The following LMBRD2 variants were observed in gnomAD, a reference collection of about 807,000 sequenced individuals.
LMBRD2 encodes LMBR1 domain containing 2.
A neutral mutation model predicts 94.4 loss-of-function variants in LMBRD2; 55 were observed. The observed-to-expected ratio is 0.58, with a 90% confidence interval of 0.47 to 0.73. The LOEUF (loss-of-function observed/expected upper bound fraction) is 0.73, where lower values mean the gene tolerates loss of function less well. Ranked by LOEUF, LMBRD2 falls within the 30% of genes least tolerant of loss-of-function variation. The pLI is 0.00. For missense variants in LMBRD2, 640 were observed against 831.9 expected, an observed-to-expected ratio of 0.77 and a Z score of 2.84; for synonymous variants, 246 against 272.4, an observed-to-expected ratio of 0.90 and a Z score of 0.95.
At position 36,151,508 on chromosome 5, in the gene LMBRD2, T is replaced by G. The variant is rs979357713; in HGVS notation, c.-58+48A>C. 6.6e-6 allele frequency: 1 copy of G among 152,404 alleles called. No homozygotes were observed. Among genetic ancestry groups the G allele is most frequent in the African/African-American group, 2.4e-5 (1 of 41,468 alleles). 9.4% of individuals were successfully genotyped at this position (152,404 alleles called of 1,614,324 possible). A position where few individuals can be genotyped will look rare whatever the true frequency, so the allele number is the denominator to read the frequency against. Reference sequence around the variant, plus strand: ...CTCCCCGACGGAGGAAGAAGCTTCCTGGCAAAAGGACGAACAGGTGCGACG... The same window carrying G: ...CTCCCCGACGGAGGAAGAAGCTTCCGGGCAAAAGGACGAACAGGTGCGACG... On this transcript the variant is annotated intron_variant, in intron 1 of 17. Coordinates refer to ENST00000296603, the MANE Select transcript of LMBRD2 (RefSeq NM_001007527.2). This position sits in a 1 kb window ranked among gnomAD's most constrained non-coding sequence, Gnocchi z 4.7.
intron 6 of LMBRD2, 66 bp downstream of exon 6, chr5:36,136,243 A>G: frequency 6.7e-7 from 1 of 1,494,136 alleles, no homozygotes; most frequent in Non-Finnish European, 9.3e-7. Context: ...ACAACAAACC[A>G]AAAATGACTA....
intron 9 of LMBRD2, among the ~76,000 whole-genome samples, chr5:36,118,925 C>T (rs1329938551): frequency 6.6e-6 from 1 of 151,952 alleles, no homozygotes; most frequent in African/African-American, 2.4e-5. Context: ...AATCTCCTGA[C>T]CCCATGATCC....
intron 1 of LMBRD2, among the ~76,000 whole-genome samples, 187 bp from the exon 2 acceptor site, chr5:36,143,593 T>G (rs1348433853): frequency 6.6e-6 from 1 of 152,220 alleles, no homozygotes; most frequent in South Asian, 2.1e-4. Flanking sequence ...ATTTTATTTT[T>G]AAAGCACACT....
Position 36,122,836 on chromosome 5 carries a change from T to G in LMBRD2, c.936+12A>C. On this transcript the variant is annotated intron_variant, in intron 8 of 17. Transcript: ENST00000296603. ...CATCATTAAGTAAAATACTTATAAT[T>G]AACAAAGTTACCTGTTTATGCAGTT... 1 of 1,588,712 alleles carries G rather than the reference T, an allele frequency of 6.3e-7. No individual in the cohort carries two copies. Among genetic ancestry groups the G allele is most frequent in the East Asian group, 2.3e-5 (1 of 44,166 alleles).
At chr5:36,146,890 A>ATATC (rs758298487) in intron 1 of LMBRD2, among the ~76,000 whole-genome samples, 1 of 152,038 alleles carries the variant, frequency 6.6e-6, no homozygotes, top group African/African-American at 2.4e-5. Context: ...ACAAATTAAC[A>ATATC]TATCTATCTC....
At chr5:36,106,901 T>C (rs1743486167) in intron 16 of LMBRD2, among the ~76,000 whole-genome samples, 1 of 152,098 alleles carries the variant, frequency 6.6e-6, no homozygotes. Context: ...AAAACATGCA[T>C]TTTCCCAAAG....
chr5:36,117,957 A>G, intron 9 of LMBRD2, 41 bp from the exon 10 acceptor site: 5 of 1,414,960 alleles, frequency 3.5e-6, no homozygotes, highest in Non-Finnish European at 4.9e-6. Context: ...AAACTACAAA[A>G]GAGTAATGGG....
At chr5:36,121,648 G>GT (rs1743889156) in intron 9 of LMBRD2, among the ~76,000 whole-genome samples, 1 of 152,156 alleles carries the variant, frequency 6.6e-6, no homozygotes. Flanking sequence ...AGCTTGTGAT[G>GT]TAAAATTACT....
At position 36,108,619 on chromosome 5, in the gene LMBRD2, TC is replaced by T; in HGVS notation, c.1811del (p.Gly604AspfsTer46). ...TCCTAGTGGAATCTTCTCTATTGTGTCCATAACGTTCTTTCCATTCCTAGAA... is the reference window on the plus strand; with the variant it reads ...TCCTAGTGGAATCTTCTCTATTGTGTCATAACGTTCTTTCCATTCCTAGAA... ...NRRREWKERY[G>X]HNREDSTRNR... On this transcript the variant is annotated frameshift_variant, in exon 16 of 18. Coordinates refer to ENST00000296603, the MANE Select transcript of LMBRD2 (RefSeq NM_001007527.2). LOFTEE classifies it high-confidence loss of function. 1 of 1,543,108 alleles carries T rather than the reference TC, an allele frequency of 6.5e-7. No homozygotes were observed. Among genetic ancestry groups the T allele is most frequent in the Non-Finnish European group, 8.8e-7 (1 of 1,133,796 alleles).
In LMBRD2 at chr5:36,148,985, T is replaced by G. The variant is rs186652906; in HGVS notation, c.-58+2571A>C. 5.0e-3 allele frequency among the ~76,000 whole-genome samples: 764 copies of G among 152,262 alleles called. 8 individuals carry two copies. Among genetic ancestry groups the G allele is most frequent in the South Asian group, 8.9e-3 (43 of 4,822 alleles). On this transcript the variant is annotated intron_variant, in intron 1 of 17. Transcript: ENST00000296603. ...ACAGATTATACTACTATTACTTGAT[T>G]TAAGGGTAATATATGACTGTACTCT...
intron 12 of LMBRD2, 92 bp from the exon 13 acceptor site, chr5:36,114,613 A>AG (rs1743695052): frequency 2.2e-6 from 3 of 1,353,956 alleles, no homozygotes; most frequent in Admixed American, 3.2e-5. Context: ...AACCAGTTAT[A>AG]TCAATCCATT....
chr5:36,143,278 A>G lies in LMBRD2; in HGVS notation c.72T>C (p.Tyr24=), dbSNP rs775148634. Residue 24 remains tyrosine (Y), a synonymous_variant, in exon 2 of 18, where the codon TAT becomes TAC. Transcript: ENST00000296603. The part of the protein sequence containing the change: ...FFLALFLLHR[Y]GDFKKQHRLV... The stretch of plus-strand genomic sequence containing the variant: ...GTCTATGCTGTTTCTTAAAGTCTCC[A>G]TATCGATGAAGCAGAAATAATGCCA... The G allele has an allele frequency of 1.2e-6, 2 of 1,612,876 alleles. No individual in the cohort carries two copies. Among genetic ancestry groups the G allele is most frequent in the African/African-American group, 1.3e-5 (1 of 75,030 alleles).
chr5:36,150,402 T>G (rs1394564426), intron 1 of LMBRD2, among the ~76,000 whole-genome samples: 3 of 152,242 alleles, frequency 2.0e-5, no homozygotes, highest in Non-Finnish European at 4.4e-5. Context: ...ATCTCAAAAC[T>G]GTTTATTCTC....
At chr5:36,111,334 T>C in intron 13 of LMBRD2, 76 bp from the exon 14 acceptor site, 2 of 964,302 alleles carry the variant, frequency 2.1e-6, no homozygotes, top group East Asian at 2.6e-5. Context: ...TTCTTTAGCA[T>C]TGTCACTCCA....
rs1035000587 is a variant in LMBRD2, at chr5:36,101,685, T to C, written c.*2361A>G. On this transcript the variant is annotated 3_prime_UTR_variant, in exon 18 of 18. Transcript: ENST00000296603. ...CCAACAAAATAACATTTTTATATGA[T>C]TGTATATAACATTCTGTAAGACAAA... 6.6e-6 allele frequency: 1 copy of C among 151,872 alleles called. No homozygotes were observed. The highest frequency in any genetic ancestry group is 1.5e-5 in the Non-Finnish European group (1 of 67,828). 9.4% of individuals were successfully genotyped at this position (151,872 alleles called of 1,614,324 possible). A position where few individuals can be genotyped will look rare whatever the true frequency, so the allele number is the denominator to read the frequency against.
chr5:36,134,334 T>C (rs1460753067), intron 6 of LMBRD2, among the ~76,000 whole-genome samples: 1 of 152,154 alleles, frequency 6.6e-6, no homozygotes, highest in African/African-American at 2.4e-5. Context: ...TTTATTCATT[T>C]ATTCATTCAT....
Position 36,108,530 on chromosome 5 carries a change from T to C in LMBRD2, c.1897+4A>G. 6.7e-7 allele frequency: 1 copy of C among 1,488,290 alleles called. No individual in the cohort carries two copies. The highest frequency in any genetic ancestry group is 1.2e-5 in the South Asian group (1 of 80,632). The allele number at this position is 1,488,290 out of a possible 1,614,324, so 92.2% of individuals were successfully genotyped here. A position where few individuals can be genotyped will look rare whatever the true frequency, so the allele number is the denominator to read the frequency against. ...CCAAGTGAACTAGAAGATAAACTAC[T>C]TACAACGGTTGGTATTAACATCTGA... On this transcript the variant is annotated splice_donor_region_variant and intron_variant, in intron 16 of 17. Coordinates refer to ENST00000296603, the MANE Select transcript of LMBRD2 (RefSeq NM_001007527.2).
At chr5:36,112,051 GGAGAGA>G (rs10661979) in intron 13 of LMBRD2, among the ~76,000 whole-genome samples, 2 of 150,046 alleles carry the variant, frequency 1.3e-5, no homozygotes, top group African/African-American at 2.4e-5. Context: ...AAGTGGTGAA[GGAGAGA>G]GAGAGAGAGA....
chr5:36,106,509 GT>G (rs70973085), intron 16 of LMBRD2, among the ~76,000 whole-genome samples: 111 of 119,364 alleles, frequency 9.3e-4, no homozygotes, highest in East Asian at 3.2e-3. Flanking sequence ...TTTTTCTTTC[GT>G]TTTTTTTTTT....
Sources: gnomAD v4.1 joint callset for allele counts (sites outside exome capture counted in the v4.1 genomes callset) on GRCh38, gnomAD v4.1.1 for gene constraint, Gnocchi (gnomAD v3.1) non-coding constraint, MANE v1.5 for transcripts, NCBI Gene and HGNC (gene_info 2026-07-23, HGNC 2026-07-21) for gene names.